The following PDE3A variants were observed in gnomAD, a reference collection of about 807,000 sequenced individuals.
PDE3A encodes cGMP-inhibited 3',5'-cyclic phosphodiesterase 3A.
A neutral mutation model predicts 98.3 loss-of-function variants in PDE3A; 43 were observed. That is an observed-to-expected ratio of 0.44 (90% CI 0.34 to 0.56). The LOEUF is 0.56. Ranked by LOEUF, PDE3A falls within the 20% of genes least tolerant of loss-of-function variation. PDE3A has a pLI of 0.01. For synonymous variants in PDE3A, 663 were observed against 567.9 expected (o/e 1.17, Z -2.38); for missense variants, 1,427 against 1,440.7 (o/e 0.99, Z 0.15).
intron 2 of PDE3A, among the ~76,000 whole-genome samples, chr12:20,565,037 T>C (rs1190298426): frequency 6.6e-6 from 1 of 152,036 alleles, no homozygotes; most frequent in Non-Finnish European, 1.5e-5. Flanking sequence ...GAGAGAGAAA[T>C]AAAAACAAAA....
chr12:20,527,310 G>T (rs904320339), intron 1 of PDE3A, among the ~76,000 whole-genome samples: 1 of 152,092 alleles, frequency 6.6e-6, no homozygotes, highest in African/African-American at 2.4e-5. Flanking sequence ...TGGATCACTC[G>T]TTTCTAAATG....
chr12:20,388,085 T>C (rs1344355878), intron 1 of PDE3A, among the ~76,000 whole-genome samples: 3 of 152,074 alleles, frequency 2.0e-5, no homozygotes, highest in Admixed American at 1.3e-4. Context: ...ATTGTTCCTT[T>C]GGATATGTTC....
intron 1 of PDE3A, among the ~76,000 whole-genome samples, chr12:20,377,986 TG>T (rs1260174231): frequency 6.6e-6 from 1 of 151,800 alleles, no homozygotes; most frequent in Non-Finnish European, 1.5e-5. Flanking sequence ...TCATTATCTT[TG>T]TAACTTAGGA....
intron 4 of PDE3A, among the ~76,000 whole-genome samples, 169 bp from the exon 5 acceptor site, chr12:20,621,127 A>T (rs1417631962): frequency 6.6e-6 from 1 of 152,060 alleles, no homozygotes; most frequent in African/African-American, 2.4e-5. Context: ...TTTTTACATA[A>T]TCTGTTTCAT....
At chr12:20,636,074 TA>T in intron 8 of PDE3A, among the ~76,000 whole-genome samples, 1 of 152,312 alleles carries the variant, frequency 6.6e-6, no homozygotes, top group East Asian at 1.9e-4. Flanking sequence ...TTCATTGTCT[TA>T]GGGCATCTGC....
At chr12:20,532,256 G>A (rs1941622771) in intron 1 of PDE3A, among the ~76,000 whole-genome samples, 1 of 152,104 alleles carries the variant, frequency 6.6e-6, no homozygotes, top group African/African-American at 2.4e-5. Context: ...GAAATATAAT[G>A]AGTTAGATTC....
At chr12:20,478,626 G>A (rs1591973336) in intron 1 of PDE3A, among the ~76,000 whole-genome samples, 1 of 152,164 alleles carries the variant, frequency 6.6e-6, no homozygotes, top group East Asian at 1.9e-4. Flanking sequence ...TGGTGTAAAT[G>A]TTTACTGTAA....
At chr12:20,655,176 G>T (rs1440343427) in intron 15 of PDE3A, among the ~76,000 whole-genome samples, 2 of 152,130 alleles carry the variant, frequency 1.3e-5, no homozygotes, top group Non-Finnish European at 2.9e-5. Flanking sequence ...AAAATAAAAG[G>T]AGGGAGATAT....
chr12:20,612,296 A>G (rs1943877572), intron 2 of PDE3A, among the ~76,000 whole-genome samples: 1 of 151,164 alleles, frequency 6.6e-6, no homozygotes, highest in Non-Finnish European at 1.5e-5. Context: ...TTGCCTATTC[A>G]CTTCCTTTTT....
At chr12:20,670,193 T>C (rs1040164107) in intron 15 of PDE3A, among the ~76,000 whole-genome samples, 5 of 150,324 alleles carry the variant, frequency 3.3e-5, no homozygotes, top group Non-Finnish European at 4.4e-5. Flanking sequence ...CCAAGATTCA[T>C]AAAGCAAGTC....
At chr12:20,549,588 G>A (rs1942144263) in intron 1 of PDE3A, among the ~76,000 whole-genome samples, 2 of 151,954 alleles carry the variant, frequency 1.3e-5, no homozygotes, top group Admixed American at 6.6e-5. Context: ...TTTGTCATAT[G>A]CAGAGTTCAT....
rs1200465851 is a variant in PDE3A at position 20,385,983 on chromosome 12, TAATATATATAA to T, written c.960+15750_960+15760del. Among the ~76,000 whole-genome samples, 400 of 69,876 alleles carry T rather than the reference TAATATATATAA, an allele frequency of 5.7e-3. 9 individuals carry two copies. Among genetic ancestry groups the T allele is most frequent in the African/African-American group, 0.018 (362 of 20,094 alleles). 45.8% of individuals were successfully genotyped at this position (69,876 alleles called of 152,430 possible). On this transcript the variant is annotated intron_variant, in intron 1 of 15. Transcript: ENST00000359062. ...ATTAATTATATTAATTATTAATATA[TAATATATATAA>T]AATATATATATAAATATATATAAAA... is the stretch of plus-strand genomic sequence containing the variant.
At chr12:20,400,379 GTTTTTT>G (rs75851941) in intron 1 of PDE3A, among the ~76,000 whole-genome samples, 21 of 110,256 alleles carry the variant, frequency 1.9e-4, no homozygotes, top group African/African-American at 2.5e-4. Context: ...GTTAACATTG[GTTTTTT>G]TTTTTTTTTT....
chr12:20,517,304 T>C (rs1005274095), intron 1 of PDE3A, among the ~76,000 whole-genome samples: 5 of 152,206 alleles, frequency 3.3e-5, no homozygotes, highest in African/African-American at 1.2e-4. Flanking sequence ...AAACAAGACA[T>C]AGCCCTGGTT....
intron 15 of PDE3A, among the ~76,000 whole-genome samples, chr12:20,661,564 C>A (rs1226649818): frequency 1.3e-5 from 2 of 152,132 alleles, no homozygotes; most frequent in Non-Finnish European, 2.9e-5. Flanking sequence ...CAGTGTGCAG[C>A]CTAGGGACTT....
At chr12:20,499,703 C>T (rs1014673979) in intron 1 of PDE3A, among the ~76,000 whole-genome samples, 1 of 152,052 alleles carries the variant, frequency 6.6e-6, no homozygotes, top group Non-Finnish European at 1.5e-5. Context: ...TATTGAAGTA[C>T]AATTTGTATG....
chr12:20,616,514 G>A, intron 4 of PDE3A, 130 bp downstream of exon 4: 1 of 781,586 alleles, frequency 1.3e-6, no homozygotes, highest in Non-Finnish European at 2.0e-6. Context: ...GATGGAAAGG[G>A]TACATGGTTC....
At chr12:20,431,347 A>G (rs1167119632) in intron 1 of PDE3A, among the ~76,000 whole-genome samples, 1 of 152,166 alleles carries the variant, frequency 6.6e-6, no homozygotes, top group Non-Finnish European at 1.5e-5. Flanking sequence ...TTGTTCGGCC[A>G]TGTATGTTCA....
intron 1 of PDE3A, among the ~76,000 whole-genome samples, chr12:20,541,666 T>C (rs1281874840): frequency 2.0e-5 from 3 of 152,084 alleles, no homozygotes; most frequent in African/African-American, 7.2e-5. Context: ...TTTTCTTTTA[T>C]TCCTAAATAG....
Sources: gnomAD v4.1 joint callset for allele counts (sites outside exome capture counted in the v4.1 genomes callset) on GRCh38, gnomAD v4.1.1 for gene constraint, MANE v1.5 for transcripts, NCBI Gene and HGNC (gene_info 2026-07-23, HGNC 2026-07-21) for gene names.